Variants in SLC4A7 observed in about 807,000 individuals in gnomAD.
SLC4A7 encodes the protein sodium bicarbonate cotransporter 3.
Under a neutral mutation model 137.6 loss-of-function variants are expected in SLC4A7, and 51 were observed. That is an observed-to-expected ratio of 0.37 (90% confidence interval 0.30 to 0.47). SLC4A7 has a LOEUF of 0.47. Ranked by LOEUF, SLC4A7 falls within the 20% of genes least tolerant of loss-of-function variation. The pLI, the probability that SLC4A7 is intolerant of heterozygous loss-of-function variation, is 1.00. For synonymous variants in SLC4A7, 542 were observed against 518.6 expected, an observed-to-expected ratio of 1.05 and a Z score of -0.61; for missense variants, 1,247 against 1,525.4, an observed-to-expected ratio of 0.82 and a Z score of 3.04.
chr3:27,435,568 C>T (rs1462696293), intron 5 of SLC4A7, among the ~76,000 whole-genome samples: 1 of 152,154 alleles, frequency 6.6e-6, no homozygotes, highest in Non-Finnish European at 1.5e-5. Flanking sequence ...GGCTAGGCAC[C>T]GTGGCTCACA....
In SLC4A7 at chr3:27,411,705, G is replaced by A. The variant is rs1025130590; in HGVS notation, c.1703C>T (p.Thr568Ile). ...GGCCTCTTTAGGAGTCTCACCCAGT[G>A]TGGGGGTAGATCCATTGTGAAACAC... is the stretch of plus-strand genomic sequence containing the variant. Reference protein sequence around the residue: ...IPVFHNGSTPTLGETPKEAAH... With the variant: ...IPVFHNGSTPILGETPKEAAH... Residue 568 changes from threonine (T) to isoleucine (I), a missense_variant, in exon 12 of 26, where the codon ACA becomes ATA. Thr to Ile is a moderately conservative substitution (Grantham distance 89). This residue lies in a region of SLC4A7 where 499 missense variants were observed against 664.2 expected (regional missense o/e 0.75). Coordinates refer to ENST00000454389, the MANE Select transcript of SLC4A7 (RefSeq NM_001321103.2). The A allele has an allele frequency of 3.2e-6, 5 of 1,558,108 alleles. No individual in the cohort carries two copies. In the African/African-American group the frequency reaches 4.1e-5, roughly 13 times the overall value.
chr3:27,436,324 G>A, intron 5 of SLC4A7, 64 bp downstream of exon 5: 3 of 1,242,434 alleles, frequency 2.4e-6, no homozygotes, highest in Middle Eastern at 1.9e-4. Context: ...GCATATAGTT[G>A]TTAAATGAAT....
chr3:27,461,601 G>A (rs950850298), intron 1 of SLC4A7, among the ~76,000 whole-genome samples: 2 of 96,430 alleles, frequency 2.1e-5, no homozygotes, highest in African/African-American at 8.4e-5. Context: ...GAAAGACCTC[G>A]TTTACAAAAA....
chr3:27,412,559 A>G (rs1408448525), intron 11 of SLC4A7, among the ~76,000 whole-genome samples: 2 of 152,350 alleles, frequency 1.3e-5, no homozygotes, highest in African/African-American at 2.4e-5. Context: ...ATCTACAAAT[A>G]TAAGACTGCC....
intron 21 of SLC4A7, 51 bp from the exon 22 acceptor site, chr3:27,390,155 T>A: frequency 1.8e-6 from 2 of 1,124,036 alleles, no homozygotes; most frequent in Non-Finnish European, 2.6e-6. Context: ...ATTTCTGCTA[T>A]TTAGGAGAAG....
intron 1 of SLC4A7, among the ~76,000 whole-genome samples, chr3:27,466,664 T>C (rs1263535702): frequency 6.6e-6 from 1 of 151,862 alleles, no homozygotes; most frequent in African/African-American, 2.4e-5. Flanking sequence ...CCCGTCTCTA[T>C]AAAAAAATAC....
chr3:27,412,347 G>A (rs1433089101), intron 11 of SLC4A7, among the ~76,000 whole-genome samples: 3 of 152,272 alleles, frequency 2.0e-5, no homozygotes, highest in East Asian at 1.9e-4. Flanking sequence ...AAGAGATGCT[G>A]GGGCTAAAAA....
intron 13 of SLC4A7, 113 bp downstream of exon 13, chr3:27,409,243 A>T: frequency 1.3e-6 from 1 of 788,588 alleles, no homozygotes; most frequent in Non-Finnish European, 1.9e-6. Context: ...GGGTCACGTT[A>T]ATCATGCTGT....
intron 13 of SLC4A7, among the ~76,000 whole-genome samples, chr3:27,407,848 T>C (rs73822000): frequency 0.031 from 4,644 of 152,160 alleles, 249 homozygotes; most frequent in African/African-American, 0.11. Flanking sequence ...GTTAACTTCC[T>C]CTATTCTATT....
intron 1 of SLC4A7, among the ~76,000 whole-genome samples, chr3:27,475,216 C>A (rs2059415583): frequency 6.6e-6 from 1 of 151,872 alleles, no homozygotes; most frequent in Non-Finnish European, 1.5e-5. Flanking sequence ...ATTCTGTACA[C>A]AAACTCTTCT....
Position 27,420,792 on chromosome 3 carries a change from G to C in SLC4A7, c.1425-5C>G. On this transcript the variant is annotated splice_polypyrimidine_tract_variant and splice_region_variant and intron_variant, in intron 9 of 25. Coordinates refer to ENST00000454389, the MANE Select transcript of SLC4A7 (RefSeq NM_001321103.2). ...CCCAATAACAAAAACAAAAACCTAA[G>C]GAAATATGAAAATACAGATTTTAAA... 1 of 1,600,720 alleles carries C rather than the reference G, an allele frequency of 6.2e-7. No homozygotes were observed. The highest frequency in any genetic ancestry group is 8.6e-7 in the Non-Finnish European group (1 of 1,168,930).
intron 1 of SLC4A7, among the ~76,000 whole-genome samples, chr3:27,459,607 A>G (rs544697024): frequency 6.6e-6 from 1 of 152,280 alleles, no homozygotes; most frequent in South Asian, 2.1e-4. Flanking sequence ...ATATATTCTT[A>G]CAAAAAAGAT....
intron 1 of SLC4A7, among the ~76,000 whole-genome samples, chr3:27,469,607 G>A (rs1444250307): frequency 6.6e-6 from 1 of 152,106 alleles, no homozygotes; most frequent in Non-Finnish European, 1.5e-5. Context: ...AATACAATTA[G>A]CCGGGCGTGG....
intron 7 of SLC4A7, chr3:27,428,231 A>C (rs1442711324): frequency 6.5e-6 from 1 of 154,342 alleles, no homozygotes; most frequent in Non-Finnish European, 1.5e-5. Flanking sequence ...AAAGTTCACA[A>C]TGAAATACTC....
At chr3:27,479,550 A>T (rs1232651318) in intron 1 of SLC4A7, among the ~76,000 whole-genome samples, 1 of 152,214 alleles carries the variant, frequency 6.6e-6, no homozygotes, top group Non-Finnish European at 1.5e-5. Context: ...CTCTGCCTTA[A>T]GGAAGATTGT....
intron 25 of SLC4A7, among the ~76,000 whole-genome samples, chr3:27,377,119 T>C (rs2149985883): frequency 6.6e-6 from 1 of 152,194 alleles, no homozygotes; most frequent in East Asian, 1.9e-4. Flanking sequence ...AATAGGGCAG[T>C]ATATGGTCAG....
intron 1 of SLC4A7, among the ~76,000 whole-genome samples, chr3:27,469,614 G>A (rs1453077237): frequency 2.0e-5 from 3 of 152,132 alleles, no homozygotes; most frequent in African/African-American, 7.2e-5. Flanking sequence ...TTAGCCGGGC[G>A]TGGTGGCACA....
At chr3:27,425,471 G>T (rs552543886) in intron 7 of SLC4A7, among the ~76,000 whole-genome samples, 1 of 150,302 alleles carries the variant, frequency 6.7e-6, no homozygotes, top group East Asian at 2.0e-4. Flanking sequence ...GAGGCTGGGA[G>T]TTCGAGACCA....
At position 27,422,876 on chromosome 3, in the gene SLC4A7, T is replaced by C. The variant is rs535919427; in HGVS notation, c.1267-1097A>G. ...GGAGACAAGGAAGTATACACAAAGA[T>C]AGGCCAAGTAAAAAAAAGTAAGACT... On this transcript the variant is annotated intron_variant, in intron 8 of 25. Transcript: ENST00000454389. 177 of 446,232 alleles carry C rather than the reference T, an allele frequency of 4.0e-4. No individual in the cohort carries two copies. In the Middle Eastern group the frequency reaches 4.6e-3, roughly 12 times the overall value. The allele number at this position is 446,232 out of a possible 1,614,324, so 27.6% of individuals were successfully genotyped here. A position where few individuals can be genotyped will look rare whatever the true frequency, so the allele number is the denominator to read the frequency against.
Sources: gnomAD v4.1 joint callset for allele counts (sites outside exome capture counted in the v4.1 genomes callset) on GRCh38, gnomAD v4.1.1 for gene constraint, gnomAD v4.1.1 regional missense constraint, MANE v1.5 for transcripts, NCBI Gene and HGNC (gene_info 2026-07-23, HGNC 2026-07-21) for gene names.